The following STARD9 variants were observed in gnomAD, a reference collection of about 807,000 sequenced individuals.
STARD9 encodes the protein StAR related lipid transfer domain containing 9.
STARD9 carries 346 observed loss-of-function variants against 399.8 expected under a neutral mutation model. The ratio of observed to expected loss-of-function variants is 0.87; its 90% CI spans 0.79 to 0.95. The LOEUF is 0.95. STARD9 is among the 40% of genes least tolerant of loss of function. The pLI is 0.00. For synonymous variants in STARD9, 2,203 were observed against 2,143.5 expected (o/e 1.03, Z -0.77); for missense variants, 5,832 against 5,667.5 (o/e 1.03, Z -0.93).
chr15:42,583,201 G>A (rs1252622340), intron 1 of STARD9, 145 bp from the exon 2 acceptor site: 1 of 598,612 alleles, frequency 1.7e-6, no homozygotes, highest in South Asian at 2.2e-5. Flanking sequence ...TGCTTGATGC[G>A]ACGCTTATAG....
chr15:42,625,679 A>G (rs2059191945), intron 3 of STARD9, among the ~76,000 whole-genome samples: 2 of 147,846 alleles, frequency 1.4e-5, no homozygotes, highest in African/African-American at 2.4e-5. Context: ...ATTAAGAAAA[A>G]CTAATGAAGA....
chr15:42,651,190 G>A lies in STARD9; in HGVS notation c.629+105G>A. On this transcript the variant is annotated intron_variant, in intron 8 of 32. Coordinates refer to ENST00000290607, the MANE Select transcript of STARD9 (RefSeq NM_020759.3). ...TAATGACACTTAAAATTGTCTCTGT[G>A]TGTAGAGATGTTCACAACCAGGAGG... 4 of 735,620 alleles carry A rather than the reference G, an allele frequency of 5.4e-6. No homozygotes were observed. The South Asian group carries it at 8.3e-5, about 15-fold the overall frequency. The allele number at this position is 735,620 out of a possible 1,614,324, so 45.6% of individuals were successfully genotyped here. A position where few individuals can be genotyped will look rare whatever the true frequency, so the allele number is the denominator to read the frequency against.
intron 3 of STARD9, among the ~76,000 whole-genome samples, chr15:42,605,775 A>G (rs1030396909): frequency 1.3e-5 from 2 of 152,218 alleles, no homozygotes; most frequent in Non-Finnish European, 2.9e-5. Context: ...TTCTGCTGAG[A>G]TGAGAAGACA....
intron 9 of STARD9, among the ~76,000 whole-genome samples, chr15:42,658,148 T>C (rs1307214400): frequency 1.3e-5 from 2 of 152,088 alleles, no homozygotes; most frequent in Admixed American, 6.5e-5. Flanking sequence ...TTTTGTACTT[T>C]TATAATTTTT....
chr15:42,689,947 A>C lies in STARD9; in HGVS notation c.8369A>C (p.Asp2790Ala). ...GAGCATCAGGAACCCAGAACTCTAG[A>C]CACCACATATGGAGAAGTTTCAGAT... Reference protein sequence around the residue: ...SPEHQEPRTLDTTYGEVSDNL... With the variant: ...SPEHQEPRTLATTYGEVSDNL... The change falls in exon 23 of 33, where the codon GAC becomes GCC. Residue 2790 changes from aspartate (D) to alanine (A), a missense_variant. Asp to Ala is a moderately radical substitution (Grantham distance 126). Transcript: ENST00000290607. 6.5e-7 allele frequency: 1 copy of C among 1,537,706 alleles called. No homozygotes were observed. The highest frequency in any genetic ancestry group is 8.7e-7 in the Non-Finnish European group (1 of 1,147,024).
chr15:42,700,916 G>C (rs1240825761), intron 26 of STARD9, among the ~76,000 whole-genome samples: 1 of 152,130 alleles, frequency 6.6e-6, no homozygotes, highest in Non-Finnish European at 1.5e-5. Flanking sequence ...TAAGATTTAA[G>C]TTTTTGATCC....
chr15:42,667,659 C>T (rs1486832671), intron 15 of STARD9, among the ~76,000 whole-genome samples: 2 of 147,296 alleles, frequency 1.4e-5, no homozygotes, highest in Non-Finnish European at 3.0e-5. Flanking sequence ...TTTGTATTTT[C>T]AGTAGAGAGG....
At chr15:42,711,619 A>G (rs2061225770) in intron 26 of STARD9, among the ~76,000 whole-genome samples, 1 of 152,204 alleles carries the variant, frequency 6.6e-6, no homozygotes, top group Non-Finnish European at 1.5e-5. Context: ...TTAACCCACA[A>G]CAAGGGGTCC....
chr15:42,633,875 C>T (rs1018643181), intron 3 of STARD9, among the ~76,000 whole-genome samples: 1 of 152,000 alleles, frequency 6.6e-6, no homozygotes, highest in Admixed American at 6.6e-5. Flanking sequence ...AACTCCTGAC[C>T]TCAGGTGATC....
chr15:42,703,744 TTCC>T (rs1360979051), intron 26 of STARD9, among the ~76,000 whole-genome samples: 1 of 151,998 alleles, frequency 6.6e-6, no homozygotes, highest in Admixed American at 6.6e-5. Flanking sequence ...CTTTTTTTCT[TTCC>T]TCCTCTGTAT....
intron 23 of STARD9, 62 bp downstream of exon 23, chr15:42,694,404 A>G: frequency 2.0e-6 from 3 of 1,532,946 alleles, no homozygotes; most frequent in Non-Finnish European, 2.6e-6. Context: ...AGAGAACCCA[A>G]GAAAGCTAAT....
chr15:42,695,673 A>G, intron 25 of STARD9, 70 bp from the exon 26 acceptor site: 1 of 1,484,460 alleles, frequency 6.7e-7, no homozygotes, highest in East Asian at 2.5e-5. Context: ...GGCTTTGGGT[A>G]GGAAAAGGCG....
intron 3 of STARD9, among the ~76,000 whole-genome samples, chr15:42,614,214 G>C (rs1416114824): frequency 1.3e-5 from 2 of 151,882 alleles, no homozygotes; most frequent in Non-Finnish European, 2.9e-5. Context: ...GGGAGGCTGA[G>C]GGAGGAGAAT....
chr15:42,659,681 A>G (rs2059955838), intron 9 of STARD9, among the ~76,000 whole-genome samples: 1 of 152,154 alleles, frequency 6.6e-6, no homozygotes, highest in Non-Finnish European at 1.5e-5. Flanking sequence ...GCCCGCCACC[A>G]CGCTTGGCTA....
chr15:42,673,305 G>A (rs1040187295), intron 16 of STARD9, among the ~76,000 whole-genome samples: 1 of 152,126 alleles, frequency 6.6e-6, no homozygotes, highest in Non-Finnish European at 1.5e-5. Flanking sequence ...GGGAGGCTGA[G>A]GCAAGGGAAT....
chr15:42,619,780 T>A (rs2141847177), intron 3 of STARD9, among the ~76,000 whole-genome samples: 1 of 152,334 alleles, frequency 6.6e-6, no homozygotes, highest in Admixed American at 6.5e-5. Flanking sequence ...CTGTGTGGCC[T>A]GGTTCCTGGT....
chr15:42,622,350 CCTCTCTCTCT>C (rs141452327), intron 3 of STARD9, among the ~76,000 whole-genome samples: 35 of 148,988 alleles, frequency 2.3e-4, no homozygotes, highest in African/African-American at 8.1e-4. Context: ...TCTCTCTCTC[CCTCTCTCTCT>C]CTCTCTCTGT....
At position 42,638,706 on chromosome 15, in the gene STARD9, A is replaced by C; in HGVS notation, c.453A>C (p.Leu151=). ...PSSCRIKVSF[L]EIYNERVRDL... ...TTTTTCTACTTAACTCTAGTTTTCTAGAAATCTATAATGAACGGGTGCGGG... is the reference window on the plus strand; with the variant it reads ...TTTTTCTACTTAACTCTAGTTTTCTCGAAATCTATAATGAACGGGTGCGGG... The change falls in exon 7 of 33, where the codon CTA becomes CTC. Residue 151 remains leucine, a synonymous_variant. Coordinates refer to ENST00000290607, the MANE Select transcript of STARD9 (RefSeq NM_020759.3). 6.5e-7 allele frequency: 1 copy of C among 1,530,710 alleles called. No individual in the cohort carries two copies. The highest frequency in any genetic ancestry group is 8.7e-7 in the Non-Finnish European group (1 of 1,144,012). The allele number at this position is 1,530,710 out of a possible 1,614,324, so 94.8% of individuals were successfully genotyped here. A position where few individuals can be genotyped will look rare whatever the true frequency, so the allele number is the denominator to read the frequency against.
chr15:42,657,014 A>G (rs1033107579), intron 9 of STARD9, among the ~76,000 whole-genome samples: 3 of 152,166 alleles, frequency 2.0e-5, no homozygotes, highest in African/African-American at 7.2e-5. Context: ...GAAATTTTTA[A>G]AAAAGTAAGC....
Sources: allele counts gnomAD v4.1 joint callset (sites outside exome capture counted in the v4.1 genomes callset), GRCh38; gene constraint gnomAD v4.1.1; transcripts MANE v1.5; gene names NCBI Gene and HGNC (gene_info 2026-07-23, HGNC 2026-07-21).